Variants in CACNA2D2 observed in about 807,000 individuals in gnomAD.
CACNA2D2 encodes voltage-dependent calcium channel subunit alpha-2/delta-2.
CACNA2D2 carries 48 observed loss-of-function variants against 166.4 expected under a neutral mutation model. The ratio of observed to expected loss-of-function variants is 0.29; its 90% CI spans 0.23 to 0.37. The LOEUF (loss-of-function observed/expected upper bound fraction) is 0.37, where lower values mean the gene tolerates loss of function less well. CACNA2D2 is among the 10% of genes least tolerant of loss of function. CACNA2D2 has a pLI of 1.00. For synonymous variants in CACNA2D2, 561 were observed against 573.7 expected (o/e 0.98, Z 0.32); for missense variants, 1,122 against 1,433.0 (o/e 0.78, Z 3.50).
intron 3 of CACNA2D2, among the ~76,000 whole-genome samples, chr3:50,419,410 C>A (rs928675984): frequency 6.6e-6 from 1 of 152,150 alleles, no homozygotes. Context: ...CAGGACCTGA[C>A]ACCATGGTTG....
At position 50,379,801 on chromosome 3, in the gene CACNA2D2, G is replaced by C; in HGVS notation, c.917C>G (p.Thr306Ser). Residue 306 changes from threonine (T) to serine (S), a missense_variant, in exon 10 of 38, where the codon ACC becomes AGC. Thr to Ser is a moderately conservative substitution (Grantham distance 58). Transcript: ENST00000424201. This position sits in a 1 kb window ranked among gnomAD's most constrained non-coding sequence, Gnocchi z 6.5. The part of the protein sequence containing the change: ...VDVSGSVSGL[T>S]LKLMKTSVCE... Reference sequence around the variant, plus strand: ...GACAGATGTCTTCATCAGCTTCAGGGTCAGGCCGCTCACACTGCCACTCCT... The same window carrying C: ...GACAGATGTCTTCATCAGCTTCAGGCTCAGGCCGCTCACACTGCCACTCCT... 1 of 1,613,946 alleles carries C rather than the reference G, an allele frequency of 6.2e-7. No homozygotes were observed. The highest frequency in any genetic ancestry group is 8.5e-7 in the Non-Finnish European group (1 of 1,180,030).
At chr3:50,466,795 G>C (rs752361295) in intron 2 of CACNA2D2, among the ~76,000 whole-genome samples, 3 of 152,238 alleles carry the variant, frequency 2.0e-5, no homozygotes, top group Non-Finnish European at 4.4e-5. Context: ...CTGCCTTCCG[G>C]CCATGGTCTC....
chr3:50,477,950 T>C (rs1697867005), intron 1 of CACNA2D2, among the ~76,000 whole-genome samples: 1 of 152,086 alleles, frequency 6.6e-6, no homozygotes, highest in South Asian at 2.1e-4. Flanking sequence ...GCTGGGCCCA[T>C]GCAACTGTAT....
intron 3 of CACNA2D2, chr3:50,420,012 G>C (rs573059727): frequency 1.3e-5 from 2 of 152,402 alleles, no homozygotes; most frequent in African/African-American, 4.8e-5. Flanking sequence ...GCTTCCCCAG[G>C]TCCCCCGCGG....
chr3:50,414,981 TGAG>T (rs1284593840), intron 3 of CACNA2D2, among the ~76,000 whole-genome samples: 2 of 152,226 alleles, frequency 1.3e-5, no homozygotes, highest in Admixed American at 6.5e-5. Context: ...TCAGAGGCAC[TGAG>T]GAGGAGGGAA....
At position 50,503,474 on chromosome 3, in the gene CACNA2D2, G is replaced by A. The variant is rs1480238051; in HGVS notation, c.-51C>T. 4 of 185,418 alleles carry A rather than the reference G, an allele frequency of 2.2e-5. No individual in the cohort carries two copies. The highest frequency in any genetic ancestry group is 6.2e-5 in the Admixed American group (1 of 16,144). 11.5% of individuals were successfully genotyped at this position (185,418 alleles called of 1,614,324 possible). On this transcript the variant is annotated 5_prime_UTR_variant, in exon 1 of 38. Transcript: ENST00000424201. ...GGGGAGGGGGGGCAGTGGCGGCGGC[G>A]GCGGCGGCGGCGGGGTTGGGGGGGC...
Position 50,364,515 on chromosome 3 carries a change from C to A in CACNA2D2, c.*151G>T. On this transcript the variant is annotated 3_prime_UTR_variant, in exon 38 of 38. Coordinates refer to ENST00000424201, the MANE Select transcript of CACNA2D2 (RefSeq NM_006030.4). The stretch of plus-strand genomic sequence containing the variant: ...CGTCCCGCTTTGGGACTCCCCATCC[C>A]AAGGCGCAGACCAGACTCTCAGGGC... 1.0e-6 allele frequency: 1 copy of A among 969,298 alleles called. No individual in the cohort carries two copies. Among genetic ancestry groups the A allele is most frequent in the Non-Finnish European group, 1.5e-6 (1 of 677,940 alleles). The allele number at this position is 969,298 out of a possible 1,614,324, so 60.0% of individuals were successfully genotyped here.
chr3:50,446,014 C>T (rs1034696102), intron 2 of CACNA2D2, among the ~76,000 whole-genome samples: 15 of 152,210 alleles, frequency 9.9e-5, no homozygotes, highest in Non-Finnish European at 1.8e-4. Flanking sequence ...TTTACCTTCC[C>T]GCATCCGTGC....
chr3:50,380,089 A>G lies in CACNA2D2; in HGVS notation c.843-71T>C. On this transcript the variant is annotated intron_variant, in intron 8 of 37. Coordinates refer to ENST00000424201, the MANE Select transcript of CACNA2D2 (RefSeq NM_006030.4). The surrounding 1 kb of genome is among the most constrained non-coding windows in gnomAD (Gnocchi z 4.9). ...GTGGGTCCTTCCTTCCTTCACATAC[A>G]TATTGATTCAATACATTTCTCTTGA... is the stretch of plus-strand genomic sequence containing the variant. The G allele has an allele frequency of 3.4e-6, 5 of 1,465,380 alleles. No individual in the cohort carries two copies. Among genetic ancestry groups the G allele is most frequent in the Non-Finnish European group, 4.8e-6 (5 of 1,046,160 alleles). The allele number at this position is 1,465,380 out of a possible 1,614,324, so 90.8% of individuals were successfully genotyped here.
At chr3:50,467,826 C>T (rs1709884649) in intron 2 of CACNA2D2, among the ~76,000 whole-genome samples, 1 of 152,202 alleles carries the variant, frequency 6.6e-6, no homozygotes, top group East Asian at 1.9e-4. Flanking sequence ...AGGTTTATGG[C>T]TCCGTAACTT....
Position 50,366,957 on chromosome 3 carries a change from C to T in CACNA2D2, c.2501-38G>A, listed in dbSNP as rs368246178. The T allele has an allele frequency of 7.4e-6, 12 of 1,612,710 alleles. No individual in the cohort carries two copies. In the African/African-American group the frequency reaches 1.5e-4, roughly 20 times the overall value. ...GCAAGGGACCATCAGTGCTACCTGC[C>T]CAGGCAGTACCCTGTCCATTGCCTG... On this transcript the variant is annotated intron_variant, in intron 28 of 37. Coordinates refer to ENST00000424201, the MANE Select transcript of CACNA2D2 (RefSeq NM_006030.4). This position sits in a 1 kb window ranked among gnomAD's most constrained non-coding sequence, Gnocchi z 5.9.
At chr3:50,471,414 G>C (rs138124502) in intron 2 of CACNA2D2, among the ~76,000 whole-genome samples, 129 of 152,276 alleles carry the variant, frequency 8.5e-4, no homozygotes, top group African/African-American at 3.0e-3. Flanking sequence ...TGCTCCTCTT[G>C]CCTGGCCCTC....
intron 3 of CACNA2D2, among the ~76,000 whole-genome samples, chr3:50,412,007 TCTC>T (rs909437046): frequency 4.6e-5 from 7 of 152,272 alleles, no homozygotes; most frequent in African/African-American, 1.4e-4. Context: ...ACGCTGGGCT[TCTC>T]CTCTGGTTAG....
At chr3:50,467,489 A>G (rs929631900) in intron 2 of CACNA2D2, among the ~76,000 whole-genome samples, 2 of 152,138 alleles carry the variant, frequency 1.3e-5, no homozygotes, top group Non-Finnish European at 2.9e-5. Flanking sequence ...TCTACTGAAT[A>G]GTTACTAGCT....
chr3:50,460,317 T>C (rs1278188463), intron 2 of CACNA2D2, among the ~76,000 whole-genome samples: 1 of 152,192 alleles, frequency 6.6e-6, no homozygotes, highest in Non-Finnish European at 1.5e-5. Flanking sequence ...AGTTTTGATA[T>C]TTATACCACG....
intron 2 of CACNA2D2, among the ~76,000 whole-genome samples, chr3:50,439,343 C>T (rs995307316): frequency 3.3e-5 from 5 of 152,246 alleles, no homozygotes; most frequent in Admixed American, 6.5e-5. Context: ...GGCACTCGCA[C>T]GCAAGGCTCC....
At chr3:50,480,902 G>A (rs60916437) in intron 1 of CACNA2D2, among the ~76,000 whole-genome samples, 3 of 290 alleles carry the variant, frequency 0.01, no homozygotes, top group African/African-American at 0.012. Context: ...GAGGAAGGGG[G>A]AGGAAAGGGG....
At chr3:50,479,376 C>T (rs1480192179) in intron 1 of CACNA2D2, among the ~76,000 whole-genome samples, 1 of 152,238 alleles carries the variant, frequency 6.6e-6, no homozygotes, top group Non-Finnish European at 1.5e-5. Flanking sequence ...GCACATTGCC[C>T]ATCAGCACAG....
rs371991961 is a variant in CACNA2D2, at chr3:50,379,596, G to C, written c.994-6C>G. 1.2e-6 allele frequency: 2 copies of C among 1,613,804 alleles called. No homozygotes were observed. Among genetic ancestry groups the C allele is most frequent in the East Asian group, 4.5e-5 (2 of 44,884 alleles). On this transcript the variant is annotated splice_polypyrimidine_tract_variant and splice_region_variant and intron_variant, in intron 10 of 37. Coordinates refer to ENST00000424201, the MANE Select transcript of CACNA2D2 (RefSeq NM_006030.4). This position sits in a 1 kb window ranked among gnomAD's most constrained non-coding sequence, Gnocchi z 6.5. Reference sequence around the variant, plus strand: ...GGCTGTGCCTTCTCGTTGAACTGCAGGAACAGTAGGGTGGTGAGTGGCCTC... The same window carrying C: ...GGCTGTGCCTTCTCGTTGAACTGCACGAACAGTAGGGTGGTGAGTGGCCTC...
Sources: allele counts gnomAD v4.1 joint callset (sites outside exome capture counted in the v4.1 genomes callset), GRCh38; gene constraint gnomAD v4.1.1; non-coding constraint Gnocchi (gnomAD v3.1); transcripts MANE v1.5; gene names NCBI Gene and HGNC (gene_info 2026-07-23, HGNC 2026-07-21).